The following SCN9A variants were observed in gnomAD, a reference collection of about 807,000 sequenced individuals.
SCN9A encodes the protein sodium voltage-gated channel alpha subunit 9.
Under a neutral mutation model 187.0 loss-of-function variants are expected in SCN9A, and 131 were observed. The ratio of observed to expected loss-of-function variants is 0.70; its 90% CI spans 0.61 to 0.81. SCN9A has a LOEUF of 0.81. Ranked by LOEUF, SCN9A falls within the 30% of genes least tolerant of loss-of-function variation. The probability of loss-of-function intolerance (pLI) is 0.00; values close to 1 mark genes in which losing one functional copy is unlikely to be tolerated. For synonymous variants in SCN9A, 809 were observed against 808.6 expected (o/e 1.00, Z -0.01); for missense variants, 2,252 against 2,396.6 (o/e 0.94, Z 1.26).
intron 1 of SCN9A, among the ~76,000 whole-genome samples, chr2:166,344,815 T>C (rs1430562571): frequency 6.6e-6 from 1 of 152,138 alleles, no homozygotes; most frequent in Admixed American, 6.6e-5. Context: ...CATAGCTGTA[T>C]GATTAGATGA....
chr2:166,321,330 G>A (rs1192064848), intron 1 of SCN9A: 1 of 151,998 alleles, frequency 6.6e-6, no homozygotes, highest in South Asian at 2.1e-4. Flanking sequence ...GAACAGCATG[G>A]GCAACACAGT....
chr2:166,213,446 A>C (rs1332492052), intron 24 of SCN9A, among the ~76,000 whole-genome samples: 2 of 141,458 alleles, frequency 1.4e-5, no homozygotes, highest in East Asian at 4.2e-4. Context: ...ATAACTGAAT[A>C]GACAAATTGA....
chr2:166,217,912 G>A (rs1207647061), intron 24 of SCN9A, among the ~76,000 whole-genome samples: 1 of 151,880 alleles, frequency 6.6e-6, no homozygotes, highest in Admixed American at 6.6e-5. Flanking sequence ...TTCTGTCAAA[G>A]GTATACCTGC....
chr2:166,207,408 C>T (rs1365086620), intron 24 of SCN9A, among the ~76,000 whole-genome samples: 1 of 148,134 alleles, frequency 6.8e-6, no homozygotes, highest in Non-Finnish European at 1.5e-5. Context: ...ACCAGACTTC[C>T]CTTTCTGCCT....
intron 26 of SCN9A, among the ~76,000 whole-genome samples, chr2:166,200,143 G>A (rs1258125495): frequency 6.8e-6 from 1 of 147,224 alleles, no homozygotes; most frequent in African/African-American, 2.5e-5. Flanking sequence ...GACTACAGGC[G>A]CCCGCTACCA....
chr2:166,243,339 C>T (rs1355012590), intron 18 of SCN9A, among the ~76,000 whole-genome samples: 1 of 152,014 alleles, frequency 6.6e-6, no homozygotes, highest in Non-Finnish European at 1.5e-5. Flanking sequence ...TATGTATTCA[C>T]CTCTGTACAT....
intron 1 of SCN9A, among the ~76,000 whole-genome samples, chr2:166,355,507 TTG>T (rs1037034820): frequency 2.6e-5 from 4 of 151,150 alleles, no homozygotes; most frequent in African/African-American, 2.4e-5. Flanking sequence ...TGCCAAGGGA[TTG>T]TGTGTGTGTG....
intron 1 of SCN9A, among the ~76,000 whole-genome samples, chr2:166,341,514 C>A (rs1033800577): frequency 1.1e-4 from 17 of 152,300 alleles, no homozygotes; most frequent in African/African-American, 3.6e-4. Context: ...AACAATAGAC[C>A]TGCAGATGTT....
chr2:166,278,471 G>A (rs981677686), intron 14 of SCN9A, among the ~76,000 whole-genome samples, 158 bp from the exon 15 acceptor site: 2 of 152,068 alleles, frequency 1.3e-5, no homozygotes, highest in Non-Finnish European at 2.9e-5. Flanking sequence ...TGTAAATTAG[G>A]TATTGCTCTT....
chr2:166,355,988 G>A (rs1167067580), intron 1 of SCN9A, among the ~76,000 whole-genome samples: 1 of 152,058 alleles, frequency 6.6e-6, no homozygotes, highest in East Asian at 1.9e-4. Context: ...GGCCAGGATG[G>A]TCTTGATCTC....
At chr2:166,303,782 C>T (rs553911796) in intron 6 of SCN9A, among the ~76,000 whole-genome samples, 23 of 152,136 alleles carry the variant, frequency 1.5e-4, no homozygotes, top group African/African-American at 5.5e-4. Flanking sequence ...TGAAATTTTC[C>T]TTCCTGTATA....
At chr2:166,323,486 T>G (rs1448660057) in intron 1 of SCN9A, among the ~76,000 whole-genome samples, 1 of 152,124 alleles carries the variant, frequency 6.6e-6, no homozygotes, top group Non-Finnish European at 1.5e-5. Flanking sequence ...TCCCTAAGTG[T>G]TCACAGTAAA....
At chr2:166,290,609 C>A (rs1282469216) in intron 9 of SCN9A, among the ~76,000 whole-genome samples, 2 of 152,146 alleles carry the variant, frequency 1.3e-5, no homozygotes, top group African/African-American at 2.4e-5. Flanking sequence ...AATCACCATT[C>A]TGACTGACTT....
In SCN9A at chr2:166,311,818, C is replaced by A; in HGVS notation, c.-50-12G>T. 1 of 1,455,316 alleles carries A rather than the reference C, an allele frequency of 6.9e-7. No individual in the cohort carries two copies. Among genetic ancestry groups the A allele is most frequent in the South Asian group, 1.6e-5 (1 of 63,054 alleles). 90.2% of individuals were successfully genotyped at this position (1,455,316 alleles called of 1,614,324 possible). A position where few individuals can be genotyped will look rare whatever the true frequency, so the allele number is the denominator to read the frequency against. On this transcript the variant is annotated splice_polypyrimidine_tract_variant and intron_variant, in intron 1 of 26. Coordinates refer to ENST00000642356, the MANE Select transcript of SCN9A (RefSeq NM_001365536.1). ...CTCACATAAGAGGCCTGGATGGAAA[C>A]AAAGAAATAAAGACTTAACTATTTG... is the stretch of plus-strand genomic sequence containing the variant.
intron 1 of SCN9A, among the ~76,000 whole-genome samples, chr2:166,342,514 A>C (rs1699810218): frequency 1.3e-5 from 2 of 152,182 alleles, no homozygotes; most frequent in South Asian, 4.1e-4. Context: ...TTTTTTAAAG[A>C]TTAAACCATT....
chr2:166,293,606 A>G (rs1698175930), intron 8 of SCN9A, among the ~76,000 whole-genome samples: 1 of 152,214 alleles, frequency 6.6e-6, no homozygotes. Context: ...AAGACTTGTA[A>G]TAAGTTTAAA....
intron 24 of SCN9A, among the ~76,000 whole-genome samples, chr2:166,216,741 C>T (rs955884911): frequency 6.6e-6 from 1 of 151,852 alleles, no homozygotes; most frequent in Non-Finnish European, 1.5e-5. Flanking sequence ...GAGGAAGACA[C>T]AAATAAATTG....
In SCN9A at chr2:166,340,538, TTCC is replaced by T. The variant is rs1699744159; in HGVS notation, c.-50-28735_-50-28733del. On this transcript the variant is annotated intron_variant, in intron 1 of 26. Coordinates refer to ENST00000642356, the MANE Select transcript of SCN9A (RefSeq NM_001365536.1). ...TCCTTCCCTCTCTCCTTTCTTTTCT[TTCC>T]CTTTCTTTCTTTCTTTCTTTCTTTC... 7.3e-5 allele frequency among the ~76,000 whole-genome samples: 7 copies of T among 95,778 alleles called. No individual in the cohort carries two copies. The East Asian group carries it at 2.5e-3, about 34-fold the overall frequency. 62.8% of individuals were successfully genotyped at this position (95,778 alleles called of 152,430 possible). A position where few individuals can be genotyped will look rare whatever the true frequency, so the allele number is the denominator to read the frequency against.
chr2:166,313,865 T>A (rs1055445626), intron 1 of SCN9A, among the ~76,000 whole-genome samples: 4 of 152,178 alleles, frequency 2.6e-5, no homozygotes, highest in Non-Finnish European at 5.9e-5. Flanking sequence ...AAGTGAGAAA[T>A]GCGCAATTCT....
Sources: gnomAD v4.1 joint callset for allele counts (sites outside exome capture counted in the v4.1 genomes callset) on GRCh38, gnomAD v4.1.1 for gene constraint, MANE v1.5 for transcripts, NCBI Gene and HGNC (gene_info 2026-07-23, HGNC 2026-07-21) for gene names.